The following ADAM23 variants were observed in gnomAD, a reference collection of about 807,000 sequenced individuals.
ADAM23 encodes disintegrin and metalloproteinase domain-containing protein 23.
Under a neutral mutation model 120.1 loss-of-function variants are expected in ADAM23, and 33 were observed. That is an observed-to-expected ratio of 0.27 (90% CI 0.21 to 0.37). ADAM23 has a LOEUF of 0.37. ADAM23 is among the 10% of genes least tolerant of loss of function. The probability of loss-of-function intolerance (pLI) is 1.00; values close to 1 mark genes in which losing one functional copy is unlikely to be tolerated. For synonymous variants in ADAM23, 367 were observed against 375.2 expected, an observed-to-expected ratio of 0.98 and a Z score of 0.25; for missense variants, 862 against 1,058.2, an observed-to-expected ratio of 0.81 and a Z score of 2.57.
In ADAM23 at chr2:206,448,928, T is replaced by C. The variant is rs550964377; in HGVS notation, c.432+3404T>C. On this transcript the variant is annotated intron_variant, in intron 2 of 25. Transcript: ENST00000264377. Reference sequence around the variant, plus strand: ...GCTCTAGCAAATTAATTTAAGGGAATTGTGGCTACCCTAGTTTATAGCTGA... The same window carrying C: ...GCTCTAGCAAATTAATTTAAGGGAACTGTGGCTACCCTAGTTTATAGCTGA... 2.6e-5 allele frequency among the ~76,000 whole-genome samples: 4 copies of C among 152,288 alleles called. No individual in the cohort carries two copies. In the East Asian group the frequency reaches 7.7e-4, roughly 29 times the overall value.
At chr2:206,477,959 T>C (rs1695818508) in intron 2 of ADAM23, among the ~76,000 whole-genome samples, 1 of 146,582 alleles carries the variant, frequency 6.8e-6, no homozygotes, top group Non-Finnish European at 1.5e-5. Flanking sequence ...TGACTCACTT[T>C]ACATGATTTG....
intron 16 of ADAM23, among the ~76,000 whole-genome samples, chr2:206,571,441 G>C (rs1313748382): frequency 1.3e-5 from 2 of 152,196 alleles, no homozygotes; most frequent in Non-Finnish European, 2.9e-5. Flanking sequence ...TGCCACTGCA[G>C]TCCGGCCTGT....
At chr2:206,547,784 C>G (rs938775521) in intron 7 of ADAM23, among the ~76,000 whole-genome samples, 2 of 152,202 alleles carry the variant, frequency 1.3e-5, no homozygotes, top group Non-Finnish European at 2.9e-5. Context: ...ATCCTGAAAT[C>G]TTCCTGGCAG....
intron 24 of ADAM23, among the ~76,000 whole-genome samples, chr2:206,602,236 A>T (rs1698652293): frequency 6.6e-6 from 1 of 152,180 alleles, no homozygotes; most frequent in African/African-American, 2.4e-5. Context: ...TAATAACTGA[A>T]TTTATTTTGT....
chr2:206,507,708 G>C (rs1302582450), intron 3 of ADAM23, among the ~76,000 whole-genome samples: 1 of 152,192 alleles, frequency 6.6e-6, no homozygotes. Flanking sequence ...GATTTTGTCT[G>C]AATGTCCACT....
intron 9 of ADAM23, 115 bp downstream of exon 9, chr2:206,550,275 A>G (rs779174301): frequency 4.9e-5 from 25 of 506,036 alleles, no homozygotes; most frequent in Admixed American, 8.5e-5. Flanking sequence ...ATTCAGACAT[A>G]TTAAGTGACT....
chr2:206,459,917 TC>T (rs1695379721), intron 2 of ADAM23, among the ~76,000 whole-genome samples: 1 of 152,224 alleles, frequency 6.6e-6, no homozygotes, highest in Non-Finnish European at 1.5e-5. Context: ...GCCAACCTGG[TC>T]TAACCCACTA....
intron 3 of ADAM23, among the ~76,000 whole-genome samples, chr2:206,516,696 G>A (rs1336162409): frequency 6.6e-6 from 1 of 152,044 alleles, no homozygotes; most frequent in Non-Finnish European, 1.5e-5. Context: ...TCACATTGGG[G>A]GTTAGGGCCT....
intron 3 of ADAM23, among the ~76,000 whole-genome samples, chr2:206,517,729 CTGGATG>C (rs976725008): frequency 2.0e-5 from 3 of 152,072 alleles, no homozygotes; most frequent in Admixed American, 2.0e-4. Flanking sequence ...TGTGGCTTTC[CTGGATG>C]TGAATCAGTT....
chr2:206,444,795 C>T (rs1289016897), intron 1 of ADAM23, among the ~76,000 whole-genome samples: 1 of 152,156 alleles, frequency 6.6e-6, no homozygotes, highest in African/African-American at 2.4e-5. Flanking sequence ...AGGGAATTGT[C>T]CATTTTGTTA....
At chr2:206,496,844 C>G (rs1025018712) in intron 3 of ADAM23, among the ~76,000 whole-genome samples, 1 of 152,160 alleles carries the variant, frequency 6.6e-6, no homozygotes, top group African/African-American at 2.4e-5. Context: ...CACAGAAATA[C>G]AAACTACCAT....
Position 206,444,091 on chromosome 2 carries a change from C to T in ADAM23, c.214+11C>T, listed in dbSNP as rs1695023447. 1 of 1,305,300 alleles carries T rather than the reference C, an allele frequency of 7.7e-7. No individual in the cohort carries two copies. Among genetic ancestry groups the T allele is most frequent in the Non-Finnish European group, 9.7e-7 (1 of 1,027,448 alleles). The allele number at this position is 1,305,300 out of a possible 1,614,324, so 80.9% of individuals were successfully genotyped here. On this transcript the variant is annotated intron_variant, in intron 1 of 25. Coordinates refer to ENST00000264377, the MANE Select transcript of ADAM23 (RefSeq NM_003812.4). ...CTGCTGCGCCCAGCGGTGGGTATGG[C>T]CCCGTGCCCTTTGCGTTGGCTTTCC...
intron 24 of ADAM23, among the ~76,000 whole-genome samples, chr2:206,600,455 CAT>C (rs1698619797): frequency 6.6e-6 from 1 of 151,958 alleles, no homozygotes; most frequent in South Asian, 2.1e-4. Flanking sequence ...ATTCAAGAAA[CAT>C]AATGAAAATA....
intron 3 of ADAM23, among the ~76,000 whole-genome samples, chr2:206,491,947 A>T (rs1176582717): frequency 6.6e-6 from 1 of 152,202 alleles, no homozygotes; most frequent in Non-Finnish European, 1.5e-5. Context: ...TGATGGATAG[A>T]TTTCCATTGA....
At chr2:206,509,689 TC>T (rs1300943257) in intron 3 of ADAM23, among the ~76,000 whole-genome samples, 2 of 152,236 alleles carry the variant, frequency 1.3e-5, no homozygotes, top group Non-Finnish European at 2.9e-5. Flanking sequence ...CCTCAGGTGA[TC>T]CGCCGGCCTT....
intron 6 of ADAM23, among the ~76,000 whole-genome samples, chr2:206,546,932 A>T (rs893203088): frequency 1.8e-4 from 28 of 152,160 alleles, no homozygotes; most frequent in African/African-American, 6.5e-4. Context: ...ACGTTTGTTG[A>T]TATACCTTAC....
In ADAM23 at chr2:206,560,104, T is replaced by C. The variant is rs1000707230; in HGVS notation, c.1155T>C (p.Ala385=). The C allele has an allele frequency of 1.9e-6, 3 of 1,613,920 alleles. No individual in the cohort carries two copies. The highest frequency in any genetic ancestry group is 2.5e-6 in the Non-Finnish European group (3 of 1,179,844). Residue 385 remains alanine (A), a synonymous_variant, in exon 11 of 26, where the codon GCT becomes GCC. Transcript: ENST00000264377. ...AGCGCATTAAGCAGCATGCTGATGC[T>C]GTGCACCTCATCTCGTACGTACTCA... ...YRQRIKQHAD[A]VHLISRVTFH... is the part of the protein sequence containing the mutation.
rs1698005612 is a variant in ADAM23, at chr2:206,571,767, A to G, written c.1607A>G (p.Asn536Ser). Residue 536 changes from asparagine (N) to serine (S), a missense_variant, in exon 17 of 26, where the codon AAC (asparagine) becomes AGC (serine). Physicochemically the swap from Asn to Ser is conservative, Grantham distance 46. Around this residue, in one of 4 missense-constraint regions of ADAM23, gnomAD observed 617 missense variants for 813.5 expected, o/e 0.76. Transcript: ENST00000264377. Reference sequence around the variant, plus strand: ...TGCTGTAAGAAATGTTCCCTCTCCAACGGGGCTCACTGCAGCGACGGGCCC... The same window carrying G: ...TGCTGTAAGAAATGTTCCCTCTCCAGCGGGGCTCACTGCAGCGACGGGCCC... ...GLCCKKCSLS[N>S]GAHCSDGPCC... 2.5e-6 allele frequency: 4 copies of G among 1,613,942 alleles called. No homozygotes were observed. Among genetic ancestry groups the G allele is most frequent in the South Asian group, 2.2e-5 (2 of 91,076 alleles).
intron 3 of ADAM23, among the ~76,000 whole-genome samples, chr2:206,516,692 T>C (rs1696738870): frequency 6.6e-6 from 1 of 152,074 alleles, no homozygotes; most frequent in African/African-American, 2.4e-5. Context: ...ACCATCACAT[T>C]GGGGGTTAGG....
Sources: gnomAD v4.1 joint callset for allele counts (sites outside exome capture counted in the v4.1 genomes callset) on GRCh38, gnomAD v4.1.1 for gene constraint, gnomAD v4.1.1 regional missense constraint, MANE v1.5 for transcripts, NCBI Gene and HGNC (gene_info 2026-07-23, HGNC 2026-07-21) for gene names.